MAP4: variants seen among roughly 807,000 people sequenced by gnomAD.
MAP4 encodes the protein microtubule-associated protein 4.
In MAP4, 76 loss-of-function variants were observed where a neutral mutation model predicts 170.2. The ratio of observed to expected loss-of-function variants is 0.45; its 90% CI spans 0.37 to 0.54. The LOEUF (loss-of-function observed/expected upper bound fraction) is 0.54. Among genes scored for constraint, MAP4 ranks in the 20% least tolerant of loss-of-function variants. The pLI, the probability that MAP4 is intolerant of heterozygous loss-of-function variation, is 0.00. For missense variants in MAP4, 2,506 were observed against 2,748.0 expected (o/e 0.91, Z 1.97); for synonymous variants, 909 against 994.5 (o/e 0.91, Z 1.62).
chr3:48,064,393 T>C (rs1398579173), intron 1 of MAP4, among the ~76,000 whole-genome samples: 3 of 152,128 alleles, frequency 2.0e-5, no homozygotes, highest in African/African-American at 7.2e-5. Context: ...CAACTACCTA[T>C]GATTTCATCT....
intron 2 of MAP4, among the ~76,000 whole-genome samples, chr3:47,982,275 C>T (rs2100085835): frequency 6.6e-6 from 1 of 152,114 alleles, no homozygotes; most frequent in Admixed American, 6.5e-5. Context: ...AGTTTACATA[C>T]ATATTTAGTA....
chr3:47,957,159 C>T (rs1037449978), intron 3 of MAP4, among the ~76,000 whole-genome samples: 2 of 152,134 alleles, frequency 1.3e-5, no homozygotes, highest in East Asian at 3.8e-4. Context: ...TGACATTCCA[C>T]ACAGTGTTGC....
intron 10 of MAP4, among the ~76,000 whole-genome samples, chr3:47,882,350 A>T (rs1427530784): frequency 6.6e-6 from 1 of 152,084 alleles, no homozygotes. Context: ...CTGATATTTT[A>T]TTTTTTATTT....
chr3:47,912,458 C>G, intron 8 of MAP4, 37 bp from the exon 9 acceptor site: 1 of 1,438,190 alleles, frequency 7.0e-7, no homozygotes, highest in Non-Finnish European at 9.1e-7. Flanking sequence ...GTTATTGTTT[C>G]TTAAAAACAA....
chr3:47,977,720 G>T, intron 3 of MAP4, 145 bp downstream of exon 3: 1 of 562,714 alleles, frequency 1.8e-6, no homozygotes. Flanking sequence ...GCAATGTCCT[G>T]GGTTTAAATA....
rs986504261 is a variant in MAP4, at chr3:47,857,356, C to T, written c.6583+75G>A. 8 of 1,220,806 alleles carry T rather than the reference C, an allele frequency of 6.6e-6. No individual in the cohort carries two copies. In the African/African-American group the frequency reaches 1.2e-4, roughly 18 times the overall value. The allele number at this position is 1,220,806 out of a possible 1,614,324, so 75.6% of individuals were successfully genotyped here. A position where few individuals can be genotyped will look rare whatever the true frequency, so the allele number is the denominator to read the frequency against. On this transcript the variant is annotated intron_variant, in intron 18 of 20. Transcript: ENST00000683076. ...GCACAGAGATGAAACCCTTGCCAGC[C>T]AGCTGGCTGCCCAGCTGACCCATGG...
intron 1 of MAP4, among the ~76,000 whole-genome samples, chr3:47,999,549 G>A (rs1339888292): frequency 6.6e-6 from 1 of 152,094 alleles, no homozygotes; most frequent in African/African-American, 2.4e-5. Context: ...TGTCCTTTGT[G>A]GGAACATAGA....
rs2096599874 is a variant in MAP4 at position 47,880,848 on chromosome 3, A to ATGTACAT, written c.5435-3332_5435-3326dup. Among the ~76,000 whole-genome samples the ATGTACAT allele has an allele frequency of 4.6e-5, 7 of 152,188 alleles. No individual in the cohort carries two copies. In the South Asian group the frequency reaches 1.4e-3, roughly 32 times the overall value. The stretch of plus-strand genomic sequence containing the variant: ...AGTGTTTAATGGACACCTGAGAAGA[A>ATGTACAT]TGTACATTCTGTCACTGAGTGGAAT... On this transcript the variant is annotated intron_variant, in intron 10 of 20. Coordinates refer to ENST00000683076, the MANE Select transcript of MAP4 (RefSeq NM_001385682.1).
chr3:48,023,084 C>T (rs188479108), intron 1 of MAP4, among the ~76,000 whole-genome samples: 291 of 152,254 alleles, frequency 1.9e-3, no homozygotes, highest in Non-Finnish European at 3.5e-3. Context: ...AGAAACAACT[C>T]TGTCCAAAAT....
intron 1 of MAP4, among the ~76,000 whole-genome samples, chr3:48,025,457 T>C (rs1023403938): frequency 1.3e-5 from 2 of 151,794 alleles, no homozygotes; most frequent in Non-Finnish European, 2.9e-5. Flanking sequence ...CCCAGCTAAT[T>C]TTTGTATTAT....
chr3:47,892,938 CTG>C (rs2100024813), intron 10 of MAP4: 1 of 974,498 alleles, frequency 1.0e-6, no homozygotes, highest in Non-Finnish European at 1.2e-6. Context: ...ACTCAGAAAA[CTG>C]TTTTAAAAAT....
chr3:47,941,621 C>CAA (rs1330222239), intron 3 of MAP4, among the ~76,000 whole-genome samples: 9 of 135,976 alleles, frequency 6.6e-5, no homozygotes, highest in African/African-American at 2.6e-4. Flanking sequence ...ACTAAAAAAA[C>CAA]AAAAACAAAA....
chr3:48,026,728 T>C (rs1229813233), intron 1 of MAP4, among the ~76,000 whole-genome samples: 4 of 152,214 alleles, frequency 2.6e-5, no homozygotes, highest in Non-Finnish European at 5.9e-5. Flanking sequence ...TATGCCATTA[T>C]CTTATGCAGT....
intron 1 of MAP4, among the ~76,000 whole-genome samples, chr3:48,000,076 A>G (rs2100098267): frequency 6.6e-6 from 1 of 151,830 alleles, no homozygotes; most frequent in African/African-American, 2.4e-5. Flanking sequence ...TTAGCAAGGC[A>G]TGGTGGTGGA....
intron 1 of MAP4, among the ~76,000 whole-genome samples, chr3:48,029,696 A>G (rs2100114941): frequency 6.6e-6 from 1 of 152,120 alleles, no homozygotes; most frequent in South Asian, 2.1e-4. Flanking sequence ...CAGTAGTAAT[A>G]AAATCGTAGT....
chr3:47,992,422 TTTA>T (rs1000275801), intron 2 of MAP4, among the ~76,000 whole-genome samples: 3 of 152,018 alleles, frequency 2.0e-5, no homozygotes, highest in Non-Finnish European at 2.9e-5. Flanking sequence ...AATTATAAAC[TTTA>T]TTATTATTAT....
chr3:48,046,039 C>T (rs1024415589), intron 1 of MAP4, among the ~76,000 whole-genome samples: 4 of 146,034 alleles, frequency 2.7e-5, no homozygotes, highest in African/African-American at 1.0e-4. Flanking sequence ...TAGATAAGCT[C>T]ACCTTCACTA....
chr3:48,018,168 T>A (rs1402380505), upstream of MAP4, among the ~76,000 whole-genome samples: 3 of 152,192 alleles, frequency 2.0e-5, no homozygotes, highest in Admixed American at 6.5e-5. Flanking sequence ...TAACTGGCCA[T>A]GGACTGGTAC....
chr3:48,028,415 G>A (rs1034004270), intron 1 of MAP4, among the ~76,000 whole-genome samples: 1 of 152,064 alleles, frequency 6.6e-6, no homozygotes, highest in Non-Finnish European at 1.5e-5. Context: ...TTAGTGGCTT[G>A]GTTTAACTAA....
Sources: gnomAD v4.1 joint callset for allele counts (sites outside exome capture counted in the v4.1 genomes callset) on GRCh38, gnomAD v4.1.1 for gene constraint, MANE v1.5 for transcripts, NCBI Gene and HGNC (gene_info 2026-07-23, HGNC 2026-07-21) for gene names.